The following DNM3 variants were observed in gnomAD, a reference collection of about 807,000 sequenced individuals.
DNM3 encodes dynamin 3, also known as dynamin-3.
A neutral mutation model predicts 101.6 loss-of-function variants in DNM3; 47 were observed. The ratio of observed to expected loss-of-function variants is 0.46; its 90% CI spans 0.37 to 0.59. The LOEUF (loss-of-function observed/expected upper bound fraction) is 0.59, where lower values mean the gene tolerates loss of function less well. DNM3 is among the 20% of genes least tolerant of loss of function. The probability of loss-of-function intolerance (pLI) is 0.00; values close to 1 mark genes in which losing one functional copy is unlikely to be tolerated. For synonymous variants in DNM3, 385 were observed against 387.9 expected, an observed-to-expected ratio of 0.99 and a Z score of 0.09; for missense variants, 849 against 1,085.7, an observed-to-expected ratio of 0.78 and a Z score of 3.06.
At chr1:171,863,706 GTTCCTAGAAT>G (rs2034423339) in intron 1 of DNM3, among the ~76,000 whole-genome samples, 2 of 152,062 alleles carry the variant, frequency 1.3e-5, no homozygotes. Context: ...AACGACTAAG[GTTCCTAGAAT>G]GCAGCAAGCC....
rs1488164655 is a variant in DNM3 at position 172,372,880 on chromosome 1, C to T, written c.1894-6138C>T. ...TAAATTTTTTGTAGAGACCAGGTTT[C>T]ATCATGTTGCCCAGGCTGGTCTCAA... On this transcript the variant is annotated intron_variant, in intron 17 of 20. Transcript: ENST00000627582. Among the ~76,000 whole-genome samples the T allele has an allele frequency of 2.6e-5, 4 of 151,698 alleles. No individual in the cohort carries two copies. In the East Asian group the frequency reaches 7.8e-4, roughly 30 times the overall value.
chr1:172,042,156 A>G lies in DNM3; in HGVS notation c.1128+12A>G. The G allele has an allele frequency of 6.3e-7, 1 of 1,580,118 alleles. No homozygotes were observed. The highest frequency in any genetic ancestry group is 8.5e-7 in the Non-Finnish European group (1 of 1,169,924). On this transcript the variant is annotated intron_variant, in intron 8 of 20. Coordinates refer to ENST00000627582, the MANE Select transcript of DNM3 (RefSeq NM_015569.5). The stretch of plus-strand genomic sequence containing the variant: ...TTGAGATAGTAAAGGTTTGTGTCAA[A>G]CGTTATTTTTTTCTTAGTTTCACTT...
chr1:171,961,819 CATT>C (rs957112957), intron 2 of DNM3, among the ~76,000 whole-genome samples: 4 of 152,154 alleles, frequency 2.6e-5, no homozygotes, highest in Non-Finnish European at 5.9e-5. Context: ...AACTTGAAAA[CATT>C]ATGCTAAGTA....
intron 14 of DNM3, among the ~76,000 whole-genome samples, chr1:172,201,695 G>A (rs2060158045): frequency 6.6e-6 from 1 of 152,220 alleles, no homozygotes; most frequent in South Asian, 2.1e-4. Flanking sequence ...AGCAAGGGCA[G>A]TTCCACTGCA....
chr1:171,921,881 A>C, intron 2 of DNM3, 60 bp downstream of exon 2: 1 of 1,472,732 alleles, frequency 6.8e-7, no homozygotes. Context: ...TTTTGCCTTC[A>C]TAGGTGTGGG....
intron 17 of DNM3, among the ~76,000 whole-genome samples, chr1:172,359,125 AACACACACACACACAC>A (rs10683483): frequency 1.4e-5 from 2 of 145,702 alleles, no homozygotes; most frequent in South Asian, 2.3e-4. Context: ...ACTCCCACAA[AACACACACACACACAC>A]ACACACACAC....
chr1:171,921,281 A>T (rs1369974507), intron 1 of DNM3, among the ~76,000 whole-genome samples: 2 of 152,168 alleles, frequency 1.3e-5, no homozygotes, highest in East Asian at 3.9e-4. Flanking sequence ...GTGTCAGTAT[A>T]TTTAGAGGAT....
At chr1:172,277,408 A>C (rs747474769) in intron 15 of DNM3, among the ~76,000 whole-genome samples, 1 of 152,108 alleles carries the variant, frequency 6.6e-6, no homozygotes. Flanking sequence ...CTGAGGTGTC[A>C]TGTAAATTTA....
chr1:171,908,502 C>T (rs77563861), intron 1 of DNM3, among the ~76,000 whole-genome samples: 2,424 of 152,082 alleles, frequency 0.016, 74 homozygotes, highest in African/African-American at 0.055. Context: ...CAGGAGATTT[C>T]TATCTTTTTT....
chr1:172,277,959 T>TA (rs1275067360), intron 15 of DNM3, among the ~76,000 whole-genome samples: 1 of 152,106 alleles, frequency 6.6e-6, no homozygotes, highest in Non-Finnish European at 1.5e-5. Context: ...TATGACTGCA[T>TA]AAAAAATTAG....
chr1:172,210,300 A>G (rs1040958635), intron 14 of DNM3, among the ~76,000 whole-genome samples: 2 of 145,010 alleles, frequency 1.4e-5, no homozygotes, highest in African/African-American at 5.1e-5. Context: ...GGTAATTAAG[A>G]GTAAGAGAGC....
At chr1:172,115,967 A>G (rs1354130679) in intron 13 of DNM3, among the ~76,000 whole-genome samples, 1 of 152,216 alleles carries the variant, frequency 6.6e-6, no homozygotes, top group Non-Finnish European at 1.5e-5. Flanking sequence ...TAGAATAAAA[A>G]AAAAATAGGT....
intron 2 of DNM3, among the ~76,000 whole-genome samples, chr1:171,923,792 C>T (rs756173286): frequency 3.3e-5 from 5 of 152,002 alleles, no homozygotes; most frequent in South Asian, 2.1e-4. Context: ...AAATAGTAAA[C>T]GCAGTCCCCA....
chr1:172,387,208 T>C lies in DNM3; in HGVS notation c.2134T>C (p.Ser712Pro). Reference protein sequence around the residue: ...SEDQNTLMEESAEQAQRRDEM... With the variant: ...SEDQNTLMEEPAEQAQRRDEM... Reference sequence around the variant, plus strand: ...GGACCAAAATACCCTGATGGAGGAATCTGCTGAGCAGGCTCAGCGCCGGGA... The same window carrying C: ...GGACCAAAATACCCTGATGGAGGAACCTGCTGAGCAGGCTCAGCGCCGGGA... Residue 712 changes from serine (S) to proline (P), a missense_variant, in exon 19 of 21, where the codon TCT (serine) becomes CCT (proline). Physicochemically the swap from Ser to Pro is moderately conservative, Grantham distance 74 (BLOSUM62 -1). Coordinates refer to ENST00000627582, the MANE Select transcript of DNM3 (RefSeq NM_015569.5). The C allele has an allele frequency of 1.2e-6, 2 of 1,614,014 alleles. No individual in the cohort carries two copies. Among genetic ancestry groups the C allele is most frequent in the Non-Finnish European group, 1.7e-6 (2 of 1,179,888 alleles).
At chr1:172,002,381 A>G (rs1248829737) in intron 4 of DNM3, among the ~76,000 whole-genome samples, 1 of 152,070 alleles carries the variant, frequency 6.6e-6, no homozygotes. Flanking sequence ...ACTAAACCTG[A>G]AGGGTTTGGA....
At chr1:172,361,588 C>T (rs934289961) in intron 17 of DNM3, among the ~76,000 whole-genome samples, 7 of 152,020 alleles carry the variant, frequency 4.6e-5, no homozygotes, top group Admixed American at 2.0e-4. Context: ...CCAATTAAAT[C>T]ATAATATTTG....
intron 13 of DNM3, among the ~76,000 whole-genome samples, chr1:172,101,089 C>T (rs930231112): frequency 6.6e-6 from 1 of 152,146 alleles, no homozygotes; most frequent in Non-Finnish European, 1.5e-5. Context: ...CTGCCTCTCC[C>T]CCTGAAAGAG....
intron 14 of DNM3, chr1:172,139,822 C>G (rs1036933377): frequency 1.3e-5 from 2 of 151,986 alleles, no homozygotes; most frequent in Non-Finnish European, 2.9e-5. Flanking sequence ...TTTATATGAG[C>G]TAATAGTGTT....
chr1:171,986,883 T>C (rs576983520), intron 2 of DNM3, among the ~76,000 whole-genome samples: 1 of 152,318 alleles, frequency 6.6e-6, no homozygotes, highest in Middle Eastern at 3.4e-3. Flanking sequence ...CTGTACTAGC[T>C]TTTCTTTTAA....
Sources: gnomAD v4.1 joint callset for allele counts (sites outside exome capture counted in the v4.1 genomes callset) on GRCh38, gnomAD v4.1.1 for gene constraint, MANE v1.5 for transcripts, NCBI Gene and HGNC (gene_info 2026-07-23, HGNC 2026-07-21) for gene names.